Variants in TBC1D2B observed in about 807,000 individuals in gnomAD.
TBC1D2B encodes the protein TBC1 domain family, member 2B.
Under a neutral mutation model 100.8 loss-of-function variants are expected in TBC1D2B, and 64 were observed. The observed-to-expected ratio is 0.64, with a 90% CI of 0.52 to 0.78. The LOEUF is 0.78. TBC1D2B is among the 30% of genes least tolerant of loss of function. The probability of loss-of-function intolerance (pLI) is 0.00; values close to 1 mark genes in which losing one functional copy is unlikely to be tolerated. For synonymous variants in TBC1D2B, 480 were observed against 479.7 expected, an observed-to-expected ratio of 1.00 and a Z score of -0.01; for missense variants, 1,052 against 1,218.4, an observed-to-expected ratio of 0.86 and a Z score of 2.03.
At chr15:78,026,288 T>G (rs980183454) in intron 4 of TBC1D2B, among the ~76,000 whole-genome samples, 4 of 152,162 alleles carry the variant, frequency 2.6e-5, no homozygotes, top group African/African-American at 9.7e-5. Flanking sequence ...ATGAGGACTC[T>G]GCCCCTGTGA....
At chr15:78,030,677 A>C (rs1252002183) in intron 3 of TBC1D2B, among the ~76,000 whole-genome samples, 1 of 152,260 alleles carries the variant, frequency 6.6e-6, no homozygotes, top group South Asian at 2.1e-4. Flanking sequence ...AGAGGAACTC[A>C]GCAAGGTACT....
At chr15:78,009,352 T>C (rs758136017) in intron 9 of TBC1D2B, among the ~76,000 whole-genome samples, 2 of 151,870 alleles carry the variant, frequency 1.3e-5, no homozygotes, top group Non-Finnish European at 2.9e-5. Context: ...CTGGGCAACA[T>C]AGCAAGACTC....
rs772736535 is a variant in TBC1D2B, at chr15:78,024,399, G to A, written c.1227C>T (p.Thr409=). Reference sequence around the variant, plus strand: ...CCAAGCTGAACCTCTCCAGCTGGCTGGTAAGGCCCAGAATCTGATCATCCT... The same window carrying A: ...CCAAGCTGAACCTCTCCAGCTGGCTAGTAAGGCCCAGAATCTGATCATCCT... The part of the protein sequence containing the change: ...HQKDDQILGL[T]SQLERFSLEK... Residue 409 remains threonine, a synonymous_variant, in exon 6 of 13, where the codon ACC becomes ACT. Coordinates refer to ENST00000300584, the MANE Select transcript of TBC1D2B (RefSeq NM_144572.2). The A allele has an allele frequency of 1.9e-6, 3 of 1,613,938 alleles. No homozygotes were observed. Among genetic ancestry groups the A allele is most frequent in the African/African-American group, 2.7e-5 (2 of 74,936 alleles).
At chr15:78,046,522 G>T (rs2073198765) in intron 2 of TBC1D2B, among the ~76,000 whole-genome samples, 1 of 151,318 alleles carries the variant, frequency 6.6e-6, no homozygotes. Context: ...TTGAGATAGG[G>T]TCTCAGTGAA....
chr15:78,056,139 T>C (rs552455463), intron 1 of TBC1D2B, among the ~76,000 whole-genome samples: 5 of 152,328 alleles, frequency 3.3e-5, no homozygotes, highest in African/African-American at 9.6e-5. Context: ...TGAATACATA[T>C]ATGAAGGAAT....
chr15:78,043,889 C>T (rs1216812485), intron 3 of TBC1D2B, among the ~76,000 whole-genome samples: 1 of 151,808 alleles, frequency 6.6e-6, no homozygotes, highest in African/African-American at 2.4e-5. Context: ...AAATATTAGC[C>T]GGGCATGGTG....
At chr15:78,019,814 A>G (rs1444750620) in intron 6 of TBC1D2B, among the ~76,000 whole-genome samples, 1 of 150,116 alleles carries the variant, frequency 6.7e-6, no homozygotes, top group Non-Finnish European at 1.5e-5. Context: ...ACTTGACCCC[A>G]GGAGGTGGAG....
Position 78,077,493 on chromosome 15 carries a change from G to T in TBC1D2B, c.160C>A (p.Arg54Ser). The change falls in exon 1 of 13, where the codon CGC becomes AGC. Residue 54 changes from arginine (R) to serine (S), a missense_variant. Arg to Ser is a moderately radical substitution (Grantham distance 110). Coordinates refer to ENST00000300584, the MANE Select transcript of TBC1D2B (RefSeq NM_144572.2). ...LSGKGPLRGY[R>S]SRWFVFDARR... is the part of the protein sequence containing the mutation. The stretch of plus-strand genomic sequence containing the variant: ...GCGTCGAACACGAACCAGCGGCTGC[G>T]GTAGCCACGCAGGGGGCCCTTGCCC... 6.5e-7 allele frequency: 1 copy of T among 1,533,234 alleles called. No individual in the cohort carries two copies. Among genetic ancestry groups the T allele is most frequent in the Non-Finnish European group, 8.8e-7 (1 of 1,140,010 alleles). The allele number at this position is 1,533,234 out of a possible 1,614,324, so 95.0% of individuals were successfully genotyped here.
At chr15:78,008,900 C>T (rs962550715) in intron 10 of TBC1D2B, 97 bp downstream of exon 10, 1 of 825,864 alleles carries the variant, frequency 1.2e-6, no homozygotes, top group Non-Finnish European at 2.0e-6. Flanking sequence ...GTCACATACA[C>T]AAAGCAACCC....
In TBC1D2B at chr15:78,013,029, C is replaced by A. The variant is rs756184324; in HGVS notation, c.2064G>T (p.Glu688Asp). Reference protein sequence around the residue: ...RHTRKFKDNTEPGHFQTLLQK... With the variant: ...RHTRKFKDNTDPGHFQTLLQK... The stretch of plus-strand genomic sequence containing the variant: ...GCAGCAAGGTCTGGAAGTGGCCAGG[C>A]TCAGTGTTGTCCTTGAACTTCCTGG... Residue 688 changes from glutamate (E) to aspartate (D), a missense_variant, in exon 9 of 13, where the codon GAG (glutamate) becomes GAT (aspartate). Transcript: ENST00000300584. 1.2e-6 allele frequency: 2 copies of A among 1,613,294 alleles called. No individual in the cohort carries two copies. The highest frequency in any genetic ancestry group is 1.7e-6 in the Non-Finnish European group (2 of 1,179,262).
intron 3 of TBC1D2B, among the ~76,000 whole-genome samples, chr15:78,038,046 C>T (rs896630311): frequency 4.0e-4 from 61 of 152,158 alleles, no homozygotes; most frequent in African/African-American, 1.4e-3. Context: ...GACCCCCCCA[C>T]GAGTATAAAG....
At chr15:78,052,222 A>T (rs2073328539) in intron 2 of TBC1D2B, among the ~76,000 whole-genome samples, 1 of 152,108 alleles carries the variant, frequency 6.6e-6, no homozygotes, top group Non-Finnish European at 1.5e-5. Context: ...CTACCTAGCT[A>T]GTTCCTGGCC....
At chr15:78,038,069 G>A (rs760294319) in intron 3 of TBC1D2B, among the ~76,000 whole-genome samples, 2 of 152,174 alleles carry the variant, frequency 1.3e-5, no homozygotes, top group Non-Finnish European at 2.9e-5. Flanking sequence ...CAGAGGATGA[G>A]AAGCCCCCAA....
chr15:78,066,880 G>A (rs2073666602), intron 1 of TBC1D2B, among the ~76,000 whole-genome samples: 1 of 152,176 alleles, frequency 6.6e-6, no homozygotes, highest in Non-Finnish European at 1.5e-5. Context: ...ATCTCTGCCA[G>A]GGAAACATCA....
chr15:78,077,288 C>T lies in TBC1D2B; in HGVS notation c.360+5G>A, dbSNP rs563451480. On this transcript the variant is annotated splice_donor_5th_base_variant and intron_variant, in intron 1 of 12. Transcript: ENST00000300584. ...CGCGGGCGGCTTTGGGGCGAGCGGT[C>T]CCACCTTGAGCACCGTGACGGCTCC... 141 of 1,495,188 alleles carry T rather than the reference C, an allele frequency of 9.4e-5. No individual in the cohort carries two copies. The East Asian group carries it at 1.4e-3, about 15-fold the overall frequency. 92.6% of individuals were successfully genotyped at this position (1,495,188 alleles called of 1,614,324 possible). A position where few individuals can be genotyped will look rare whatever the true frequency, so the allele number is the denominator to read the frequency against.
At chr15:78,042,408 A>G (rs760621231) in intron 3 of TBC1D2B, among the ~76,000 whole-genome samples, 3 of 152,118 alleles carry the variant, frequency 2.0e-5, no homozygotes, top group Non-Finnish European at 4.4e-5. Flanking sequence ...TCGGCCACAC[A>G]CTTGCTATGT....
chr15:78,043,524 A>C (rs910309881), intron 3 of TBC1D2B, among the ~76,000 whole-genome samples: 11 of 152,072 alleles, frequency 7.2e-5, no homozygotes, highest in Non-Finnish European at 1.3e-4. Context: ...CTCAGCCTCC[A>C]AGTAATTGGG....
At position 77,998,108 on chromosome 15, in the gene TBC1D2B, C is replaced by T; in HGVS notation, c.*52G>A. On this transcript the variant is annotated 3_prime_UTR_variant, in exon 13 of 13. Coordinates refer to ENST00000300584, the MANE Select transcript of TBC1D2B (RefSeq NM_144572.2). ...TCTGGCTTTTAAGTGCACTTTCACCCTTTGGGCACACTTTGGTTGTGAAGG... is the reference window on the plus strand; with the variant it reads ...TCTGGCTTTTAAGTGCACTTTCACCTTTTGGGCACACTTTGGTTGTGAAGG... 1.4e-6 allele frequency: 2 copies of T among 1,456,798 alleles called. No individual in the cohort carries two copies. Among genetic ancestry groups the T allele is most frequent in the Non-Finnish European group, 1.8e-6 (2 of 1,096,536 alleles). 90.2% of individuals were successfully genotyped at this position (1,456,798 alleles called of 1,614,324 possible). A position where few individuals can be genotyped will look rare whatever the true frequency, so the allele number is the denominator to read the frequency against.
intron 3 of TBC1D2B, among the ~76,000 whole-genome samples, chr15:78,038,778 T>G (rs1471511827): frequency 3.3e-5 from 5 of 152,074 alleles, no homozygotes; most frequent in Non-Finnish European, 5.9e-5. Flanking sequence ...CCATGCTGAG[T>G]CATGGTGAAA....
Sources: gnomAD v4.1 joint callset for allele counts (sites outside exome capture counted in the v4.1 genomes callset) on GRCh38, gnomAD v4.1.1 for gene constraint, MANE v1.5 for transcripts, NCBI Gene and HGNC (gene_info 2026-07-23, HGNC 2026-07-21) for gene names.